Variants in NPHP1 observed in about 807,000 individuals in gnomAD.
NPHP1 encodes the protein nephrocystin 1.
NPHP1 carries 70 observed loss-of-function variants against 90.4 expected under a neutral mutation model. That is an observed-to-expected ratio of 0.77 (90% CI 0.64 to 0.95). NPHP1 has a LOEUF of 0.95. Among genes scored for constraint, NPHP1 ranks in the 40% least tolerant of loss-of-function variants. The probability of loss-of-function intolerance (pLI) is 0.00; values close to 1 mark genes in which losing one functional copy is unlikely to be tolerated. For missense variants in NPHP1, 764 were observed against 795.9 expected (o/e 0.96, Z 0.48); for synonymous variants, 256 against 271.7 (o/e 0.94, Z 0.57).
chr2:110,181,379 G>A (rs1165411436), intron 2 of NPHP1, among the ~76,000 whole-genome samples: 1 of 152,150 alleles, frequency 6.6e-6, no homozygotes, highest in African/African-American at 2.4e-5. Context: ...CCTACAAAGT[G>A]CGTTTGGGCT....
At position 110,161,691 on chromosome 2, in the gene NPHP1, T is replaced by C. The variant is rs372455363; in HGVS notation, c.866A>G (p.Gln289Arg). ...TLSQLLEEGN[Q>R]FRANYFLQPE... ...TTGTAAGAAGTAATTTGCTCGAAAT[T>C]GATTCCCTGAAAAAATCATTTTTTC... The change falls in exon 10 of 20, where the codon CAA becomes CGA. Residue 289 changes from glutamine to arginine, a missense_variant. Transcript: ENST00000445609. The C allele has an allele frequency of 6.2e-7, 1 of 1,608,958 alleles. No individual in the cohort carries two copies. Among genetic ancestry groups the C allele is most frequent in the African/African-American group, 1.3e-5 (1 of 74,814 alleles).
At chr2:110,187,784 C>T (rs868695011) in intron 2 of NPHP1, among the ~76,000 whole-genome samples, 3 of 152,006 alleles carry the variant, frequency 2.0e-5, no homozygotes, top group African/African-American at 7.2e-5. Flanking sequence ...ACTGGCAAAC[C>T]GAATCCAGCA....
intron 19 of NPHP1, chr2:110,125,354 T>C (rs992864592): frequency 2.0e-6 from 3 of 1,510,898 alleles, no homozygotes; most frequent in Non-Finnish European, 2.6e-6. Flanking sequence ...TAAAAGAAAT[T>C]TGATACACAA....
Position 110,144,685 on chromosome 2 carries a change from G to C in NPHP1, c.1353-116C>G, listed in dbSNP as rs3752863. The C allele has an allele frequency of 4.3e-6, 3 of 705,534 alleles. No individual in the cohort carries two copies. The African/African-American group carries it at 5.3e-5, about 12-fold the overall frequency. 43.7% of individuals were successfully genotyped at this position (705,534 alleles called of 1,614,324 possible). On this transcript the variant is annotated intron_variant, in intron 14 of 19. Coordinates refer to ENST00000445609, the MANE Select transcript of NPHP1 (RefSeq NM_001128178.3). ...TACTCAGACATTTCATTTATGCCTC[G>C]TTGGTAAATGAAAAGAATAATTGTT...
In NPHP1 at chr2:110,125,205, G is replaced by A. The variant is rs923025611; in HGVS notation, c.1761+432C>T. On this transcript the variant is annotated intron_variant, in intron 19 of 19. Coordinates refer to ENST00000445609, the MANE Select transcript of NPHP1 (RefSeq NM_001128178.3). ...ACGACTCACCGATTAAAGCAAGTTC[G>A]GATTGGTAATTACCATGATTTTATA... is the stretch of plus-strand genomic sequence containing the variant. The A allele has an allele frequency of 1.2e-5, 18 of 1,533,860 alleles. No individual in the cohort carries two copies. In the East Asian group the frequency reaches 2.0e-4, roughly 17 times the overall value.
chr2:110,146,863 T>C (rs1681092068), intron 13 of NPHP1, 28 bp from the exon 14 acceptor site: 1 of 1,544,784 alleles, frequency 6.5e-7, no homozygotes. Context: ...TATATGAAAC[T>C]TAAGGTCTGA....
chr2:110,204,949 C>G lies in NPHP1; in HGVS notation c.20G>C (p.Arg7Pro). The change falls in exon 1 of 20, where the codon CGA becomes CCA. Residue 7 changes from arginine to proline, a missense_variant. Arg to Pro is a moderately radical substitution (Grantham distance 103). Coordinates refer to ENST00000445609, the MANE Select transcript of NPHP1 (RefSeq NM_001128178.3). MLARRQ[R>P]DPLQALRRRN... ...GCGCCGCAGGGCCTGGAGAGGATCTCGCTGTCGTCTCGCCAGCATCTCCCT... is the reference window on the plus strand; with the variant it reads ...GCGCCGCAGGGCCTGGAGAGGATCTGGCTGTCGTCTCGCCAGCATCTCCCT... 3 of 1,614,022 alleles carry G rather than the reference C, an allele frequency of 1.9e-6. No homozygotes were observed. The highest frequency in any genetic ancestry group is 2.5e-6 in the Non-Finnish European group (3 of 1,179,930).
intron 2 of NPHP1, chr2:110,184,433 C>A (rs1413056761): frequency 1.5e-5 from 10 of 662,126 alleles, no homozygotes; most frequent in Non-Finnish European, 2.7e-5. Flanking sequence ...GAGCTGCCAA[C>A]GTTTTCTTCA....
intron 2 of NPHP1, among the ~76,000 whole-genome samples, chr2:110,190,006 T>C (rs1284844320): frequency 6.6e-6 from 1 of 152,120 alleles, no homozygotes; most frequent in Non-Finnish European, 1.5e-5. Context: ...ATACAGAGTG[T>C]CAATTGGTGC....
intron 16 of NPHP1, among the ~76,000 whole-genome samples, chr2:110,135,943 T>C (rs1394688242): frequency 6.6e-6 from 1 of 152,142 alleles, no homozygotes; most frequent in Non-Finnish European, 1.5e-5. Context: ...GTAATTAAGC[T>C]TCATGGAATG....
intron 19 of NPHP1, 131 bp from the exon 20 acceptor site, chr2:110,124,194 G>A (rs762004900): frequency 2.1e-4 from 203 of 977,926 alleles, no homozygotes; most frequent in Non-Finnish European, 3.0e-4. Context: ...TATCGGCTCT[G>A]AGCCAGCTGC....
Position 110,147,237 on chromosome 2 carries a change from C to T in NPHP1, c.1270-402G>A, listed in dbSNP as rs1183044519. 2.0e-5 allele frequency among the ~76,000 whole-genome samples: 3 copies of T among 151,848 alleles called. 1 individual carries two copies. The highest frequency in any genetic ancestry group is 4.4e-5 in the Non-Finnish European group (3 of 67,962). ...GGCTTTTCTGCTTGGAATTTTACCC[C>T]CACTGTCAGTTGCTAGAGGCCCCTA... On this transcript the variant is annotated intron_variant, in intron 13 of 19. Transcript: ENST00000445609.
chr2:110,131,687 T>C lies in NPHP1; in HGVS notation c.1634A>G (p.Gln545Arg). 1 of 1,608,912 alleles carries C rather than the reference T, an allele frequency of 6.2e-7. No individual in the cohort carries two copies. Among genetic ancestry groups the C allele is most frequent in the Non-Finnish European group, 8.5e-7 (1 of 1,175,268 alleles). Residue 545 changes from glutamine (Q) to arginine (R), a missense_variant, in exon 17 of 20, where the codon CAA (glutamine) becomes CGA (arginine). Physicochemically the swap from Gln to Arg is conservative, Grantham distance 43 (BLOSUM62 1). Transcript: ENST00000445609. ...DVLLKDRMSL[Q>R]STDLISHPML... ...TGGCAAAGCCCACTTACCAGTACTT[T>C]GCAAGCTCATCCTGTCTTTCAGGAG...
chr2:110,169,941 A>G lies in NPHP1; in HGVS notation c.387T>C (p.Ser129=), dbSNP rs1553489188. ...EESESEDSED[S]GGEEEDAEEE... ...CCTCTGCATCTTCTTCCTCCCCACC[A>G]CTGTCTTCACTATCTTCACTTTCAC... is the stretch of plus-strand genomic sequence containing the variant. The change falls in exon 5 of 20, where the codon AGT becomes AGC. Residue 129 remains serine, a synonymous_variant. Transcript: ENST00000445609. 5 of 1,603,206 alleles carry G rather than the reference A, an allele frequency of 3.1e-6. No homozygotes were observed. In the South Asian group the frequency reaches 5.5e-5, roughly 18 times the overall value.
chr2:110,125,201 G>A lies in NPHP1; in HGVS notation c.1761+436C>T, dbSNP rs747059374. 4 of 1,532,766 alleles carry A rather than the reference G, an allele frequency of 2.6e-6. No homozygotes were observed. The South Asian group carries it at 4.8e-5, about 19-fold the overall frequency. The allele number at this position is 1,532,766 out of a possible 1,614,324, so 94.9% of individuals were successfully genotyped here. A position where few individuals can be genotyped will look rare whatever the true frequency, so the allele number is the denominator to read the frequency against. On this transcript the variant is annotated intron_variant, in intron 19 of 19. Coordinates refer to ENST00000445609, the MANE Select transcript of NPHP1 (RefSeq NM_001128178.3). The stretch of plus-strand genomic sequence containing the variant: ...AACCACGACTCACCGATTAAAGCAA[G>A]TTCGGATTGGTAATTACCATGATTT...
chr2:110,179,252 T>C (rs1227024251), intron 3 of NPHP1, among the ~76,000 whole-genome samples: 1 of 152,164 alleles, frequency 6.6e-6, no homozygotes, highest in Non-Finnish European at 1.5e-5. Flanking sequence ...TACAAGAAGC[T>C]TCTTTACCAC....
chr2:110,185,068 C>T, intron 2 of NPHP1: 3 of 597,318 alleles, frequency 5.0e-6, no homozygotes, highest in South Asian at 2.8e-5. Context: ...GACTGTATTC[C>T]ACGTGGATTG....
At chr2:110,155,048 G>A (rs923086267) in intron 11 of NPHP1, among the ~76,000 whole-genome samples, 2 of 152,036 alleles carry the variant, frequency 1.3e-5, no homozygotes, top group Non-Finnish European at 2.9e-5. Flanking sequence ...CATGGGCCAG[G>A]CCGAGGGTCC....
rs1681375781 is a variant in NPHP1, at chr2:110,150,387, C to T, written c.1084-131G>A. The T allele has an allele frequency of 5.0e-6, 4 of 802,902 alleles. No individual in the cohort carries two copies. The Admixed American group carries it at 7.4e-5, about 15-fold the overall frequency. The allele number at this position is 802,902 out of a possible 1,614,324, so 49.7% of individuals were successfully genotyped here. A position where few individuals can be genotyped will look rare whatever the true frequency, so the allele number is the denominator to read the frequency against. On this transcript the variant is annotated intron_variant, in intron 11 of 19. Coordinates refer to ENST00000445609, the MANE Select transcript of NPHP1 (RefSeq NM_001128178.3). ...GCAAGGGGAGAACTTTCACTTTTTACTTCATGTAATTCTGTAATGTTTTTC... is the reference window on the plus strand; with the variant it reads ...GCAAGGGGAGAACTTTCACTTTTTATTTCATGTAATTCTGTAATGTTTTTC...
Sources: gnomAD v4.1 joint callset for allele counts (sites outside exome capture counted in the v4.1 genomes callset) on GRCh38, gnomAD v4.1.1 for gene constraint, MANE v1.5 for transcripts, NCBI Gene and HGNC (gene_info 2026-07-23, HGNC 2026-07-21) for gene names.